The following KIAA1210 variants were observed in gnomAD, a reference collection of about 807,000 sequenced individuals.
KIAA1210 encodes KIAA1210.
KIAA1210 carries 48 observed loss-of-function variants against 78.9 expected under a neutral mutation model. The observed-to-expected ratio is 0.61, with a 90% confidence interval of 0.48 to 0.77. KIAA1210 has a LOEUF of 0.77. Among genes scored for constraint, KIAA1210 ranks in the 30% least tolerant of loss-of-function variants. The pLI, the probability that KIAA1210 is intolerant of heterozygous loss-of-function variation, is 0.00. For synonymous variants in KIAA1210, 406 were observed against 404.5 expected, an observed-to-expected ratio of 1.00 and a Z score of -0.04; for missense variants, 1,108 against 1,100.0, an observed-to-expected ratio of 1.01 and a Z score of -0.10.
intron 2 of KIAA1210, among the ~76,000 whole-genome samples, chrX:119,117,884 A>G (rs1400605319): frequency 9.0e-6 from 1 of 111,313 alleles, no homozygotes; most frequent in Non-Finnish European, 1.9e-5. Context: ...AAGTGCTACA[A>G]TTACAGGCAT....
chrX:119,113,221 G>A (rs1268256554), intron 3 of KIAA1210, among the ~76,000 whole-genome samples: 1 of 111,070 alleles, frequency 9.0e-6, no homozygotes, highest in Non-Finnish European at 1.9e-5. Context: ...GGGTACAGGA[G>A]TTTATTTTTG....
Position 119,085,617 on chromosome X carries a change from C to T in KIAA1210, c.4157-71G>A. ...GGTCTTGAGCCTGGTTGGGGCTTAC[C>T]CACAATAATATCCCAAATGGGACCC... On this transcript the variant is annotated intron_variant, in intron 9 of 11. Coordinates refer to ENST00000691062, the MANE Select transcript of KIAA1210 (RefSeq NM_001394962.1). The T allele has an allele frequency of 3.1e-6, 3 of 958,116 alleles. No homozygotes were observed. The South Asian group carries it at 7.5e-5, about 24-fold the overall frequency. The allele number at this position is 958,116 out of a possible 1,213,427, so 79.0% of individuals were successfully genotyped here.
At chrX:119,130,095 T>C (rs1928754998), upstream of KIAA1210, among the ~76,000 whole-genome samples, 1 of 112,212 alleles carries the variant, frequency 8.9e-6, no homozygotes, top group South Asian at 3.7e-4. Context: ...CACAGTGTTC[T>C]CTCTGAAATA....
At chrX:119,108,513 C>T (rs1927963339) in intron 4 of KIAA1210, 42 bp from the exon 5 acceptor site, 7 of 1,182,388 alleles carry the variant, frequency 5.9e-6, no homozygotes, top group Non-Finnish European at 8.0e-6. Flanking sequence ...ATTGGTATGC[C>T]AGCACATAAA....
rs1258796592 is a variant in KIAA1210, at chrX:119,079,778, G to T, written c.*1551C>A. 2.7e-5 allele frequency: 3 copies of T among 111,591 alleles called. No individual in the cohort carries two copies. Among genetic ancestry groups the T allele is most frequent in the Non-Finnish European group, 3.8e-5 (2 of 53,139 alleles). 9.2% of individuals were successfully genotyped at this position (111,591 alleles called of 1,213,427 possible). ...GATGAGTGGGTCACTGGAAGGTAGGGTCTCTCCAGCCTAGTAACTTTTGAG... is the reference window on the plus strand; with the variant it reads ...GATGAGTGGGTCACTGGAAGGTAGGTTCTCTCCAGCCTAGTAACTTTTGAG... On this transcript the variant is annotated 3_prime_UTR_variant, in exon 12 of 12. Transcript: ENST00000691062.
upstream of KIAA1210, chrX:119,150,612 C>T (rs1456521750): frequency 5.1e-6 from 6 of 1,165,151 alleles, no homozygotes; most frequent in African/African-American, 9.0e-5. Context: ...TCTCTGTGTC[C>T]CCCGACCTGC....
rs1019158136 is a variant in KIAA1210, at chrX:119,087,707, C to T, written c.2995G>A (p.Glu999Lys). Residue 999 changes from glutamate to lysine, a missense_variant, in exon 9 of 12, where the codon GAG becomes AAG. Physicochemically the swap from Glu to Lys is moderately conservative, Grantham distance 56 (BLOSUM62 1). This residue lies in a region of KIAA1210 where 179 missense variants were observed against 174.1 expected (regional missense o/e 1.03). Transcript: ENST00000691062. ...SKVQEMTSRL[E>K]KMAVEGTSNK... ...GAAGTGCCTTCAACAGCCATTTTCT[C>T]TAGTCGTGAGGTCATTTCCTGAACT... 14 of 1,210,028 alleles carry T rather than the reference C, an allele frequency of 1.2e-5. No homozygotes were observed. The Middle Eastern group carries it at 9.1e-4, about 79-fold the overall frequency.
chrX:119,106,779 A>AT (rs780605790), intron 5 of KIAA1210, among the ~76,000 whole-genome samples: 1 of 112,538 alleles, frequency 8.9e-6, no homozygotes, highest in Non-Finnish European at 1.9e-5. Context: ...AACACTTCAG[A>AT]TAGGACATTA....
rs1347764641 is a variant in KIAA1210 at position 119,088,184 on chromosome X, G to C, written c.2518C>G (p.Pro840Ala). Residue 840 changes from proline (P) to alanine (A), a missense_variant, in exon 9 of 12, where the codon CCA (proline) becomes GCA (alanine). Around this residue, in one of 5 missense-constraint regions of KIAA1210, gnomAD observed 672 missense variants for 607.1 expected, o/e 1.11. Transcript: ENST00000691062. ...IAVERVISVE[P>A]LLPRYSPQSL... is the part of the protein sequence containing the mutation. ...TGAGGAGAATATCTGGGGAGTAGTG[G>C]CTCCACAGAAATGACTCTCTCAACA... 2 of 1,210,051 alleles carry C rather than the reference G, an allele frequency of 1.7e-6. No individual in the cohort carries two copies.
intron 6 of KIAA1210, among the ~76,000 whole-genome samples, chrX:119,097,777 G>T (rs1462556586): frequency 2.7e-5 from 3 of 111,777 alleles, no homozygotes; most frequent in Non-Finnish European, 5.6e-5. Flanking sequence ...TCAGGCTGAT[G>T]ACAAATCCTG....
exon 1 of KIAA1210, chrX:119,150,306 T>C: frequency 3.3e-6 from 4 of 1,204,994 alleles, no homozygotes; most frequent in Non-Finnish European, 4.5e-6. Flanking sequence ...CACCAAGTGG[T>C]AGGGAATCGC....
intron 5 of KIAA1210, among the ~76,000 whole-genome samples, chrX:119,107,117 C>T (rs190558950): frequency 8.9e-6 from 1 of 112,338 alleles, no homozygotes; most frequent in African/African-American, 3.2e-5. Flanking sequence ...ATGTTGTCTT[C>T]AGCCTTGTTT....
rs149401496 is a variant in KIAA1210 at position 119,112,585 on chromosome X, G to T, written c.231-3383C>A. 3.9e-3 allele frequency among the ~76,000 whole-genome samples: 443 copies of T among 112,268 alleles called. 6 individuals carry two copies. The highest frequency in any genetic ancestry group is 0.014 in the African/African-American group (421 of 30,965). ...CATGAAAAGATGCTCAACATCACCA[G>T]TTGGCAGGGAAATACAACTCAAAAC... On this transcript the variant is annotated intron_variant, in intron 3 of 11. Coordinates refer to ENST00000691062, the MANE Select transcript of KIAA1210 (RefSeq NM_001394962.1).
chrX:119,091,355 A>G (rs180829192), intron 8 of KIAA1210, among the ~76,000 whole-genome samples: 9 of 112,225 alleles, frequency 8.0e-5, no homozygotes, highest in Non-Finnish European at 1.7e-4. Flanking sequence ...CTATGATTCA[A>G]TCCAGCAATC....
intron 2 of KIAA1210, among the ~76,000 whole-genome samples, chrX:119,145,471 G>A (rs1929145548): frequency 9.0e-6 from 1 of 110,654 alleles, no homozygotes. Context: ...CCAGTTGAGG[G>A]TCAAGGTAAG....
intron 4 of KIAA1210, among the ~76,000 whole-genome samples, chrX:119,108,765 G>A (rs1039690151): frequency 9.3e-6 from 1 of 107,776 alleles, no homozygotes; most frequent in Admixed American, 9.9e-5. Flanking sequence ...GGGAAGCTGA[G>A]CCTGGGAAGT....
chrX:119,082,672 A>C (rs2147167545), intron 11 of KIAA1210, among the ~76,000 whole-genome samples: 1 of 112,076 alleles, frequency 8.9e-6, no homozygotes, highest in East Asian at 2.8e-4. Context: ...AAAGTGAGAA[A>C]ATACCGCTTT....
At chrX:119,090,178 CT>C (rs150584772) in intron 8 of KIAA1210, among the ~76,000 whole-genome samples, 16,560 of 94,757 alleles carry the variant, frequency 0.17, 1,792 homozygotes, top group East Asian at 0.42. Flanking sequence ...GCATGTATTG[CT>C]TTTTTTTTTT....
chrX:119,081,123 C>T lies in KIAA1210; in HGVS notation c.*206G>A. The T allele has an allele frequency of 3.5e-6, 1 of 285,500 alleles. No homozygotes were observed. The highest frequency in any genetic ancestry group is 2.8e-5 in the African/African-American group (1 of 36,277). The allele number at this position is 285,500 out of a possible 1,213,427, so 23.5% of individuals were successfully genotyped here. ...CTAAAAATACGAAAACAAAATTAGC[C>T]GGGCGTGATGGCGGGCGCCTGTAGT... On this transcript the variant is annotated 3_prime_UTR_variant, in exon 12 of 12. Coordinates refer to ENST00000691062, the MANE Select transcript of KIAA1210 (RefSeq NM_001394962.1).
Sources: allele counts gnomAD v4.1 joint callset (sites outside exome capture counted in the v4.1 genomes callset), GRCh38; gene constraint gnomAD v4.1.1; regional missense constraint gnomAD v4.1.1; transcripts MANE v1.5; gene names NCBI Gene and HGNC (gene_info 2026-07-23, HGNC 2026-07-21).